The following CFAP299 variants were observed in gnomAD, a reference collection of about 807,000 sequenced individuals.
The protein encoded by CFAP299 is cilia and flagella associated protein 299.
In CFAP299, 21 loss-of-function variants were observed where a neutral mutation model predicts 27.0. That is an observed-to-expected ratio of 0.78 (90% CI 0.55 to 1.12). The LOEUF is 1.12. Among genes scored for constraint, CFAP299 ranks in the 50% most tolerant of loss-of-function variants. The pLI is 0.00. For synonymous variants in CFAP299, 104 were observed against 98.1 expected (o/e 1.06, Z -0.36); for missense variants, 310 against 276.6 (o/e 1.12, Z -0.86).
At chr4:80,554,029 C>G (rs555800222) in intron 2 of CFAP299, among the ~76,000 whole-genome samples, 1 of 152,050 alleles carries the variant, frequency 6.6e-6, no homozygotes, top group African/African-American at 2.4e-5. Flanking sequence ...GCTTGGGTTG[C>G]AATTGCTTTT....
chr4:80,928,846 A>G (rs1049031446), intron 4 of CFAP299, among the ~76,000 whole-genome samples: 8 of 152,176 alleles, frequency 5.3e-5, no homozygotes, highest in African/African-American at 1.9e-4. Context: ...GACAATGGGT[A>G]TCTTCCCATT....
In CFAP299 at chr4:80,816,608, G is replaced by A. The variant is rs370607369; in HGVS notation, c.334-53385G>A. On this transcript the variant is annotated intron_variant, in intron 3 of 5. Coordinates refer to ENST00000358105, the MANE Select transcript of CFAP299 (RefSeq NM_152770.3). Reference sequence around the variant, plus strand: ...CGCATATCACTATTTTATAAATTGTGTTATTGTGAGTGTATCCCATTTTCT... The same window carrying A: ...CGCATATCACTATTTTATAAATTGTATTATTGTGAGTGTATCCCATTTTCT... Among the ~76,000 whole-genome samples, 112 of 152,218 alleles carry A rather than the reference G, an allele frequency of 7.4e-4. 4 individuals carry two copies. The South Asian group carries it at 0.022, about 30-fold the overall frequency.
At chr4:80,445,823 T>G (rs56165070) in intron 2 of CFAP299, among the ~76,000 whole-genome samples, 1 of 152,128 alleles carries the variant, frequency 6.6e-6, no homozygotes, top group African/African-American at 2.4e-5. Flanking sequence ...TATACATAAT[T>G]TGTTGGCATC....
At chr4:80,411,777 T>C (rs1726734080) in intron 2 of CFAP299, among the ~76,000 whole-genome samples, 1 of 152,198 alleles carries the variant, frequency 6.6e-6, no homozygotes. Context: ...CTTTGCCATA[T>C]TCTCTTTTGC....
chr4:80,386,289 G>T, intron 2 of CFAP299: 1 of 1,250,898 alleles, frequency 8.0e-7, no homozygotes, highest in Non-Finnish European at 1.1e-6. Flanking sequence ...CAGCTGTCCA[G>T]GTACCACCAG....
rs1326383163 is a variant in CFAP299 at position 80,956,326 on chromosome 4, CTG to C, written c.607-7189_607-7188del. 2.0e-5 allele frequency among the ~76,000 whole-genome samples: 3 copies of C among 152,122 alleles called. No homozygotes were observed. In the South Asian group the frequency reaches 6.2e-4, roughly 32 times the overall value. ...CTATTTATTTTGCATACTTTTTTAA[CTG>C]TTAATTTCACAGTCCAGATCTGTTT... is the stretch of plus-strand genomic sequence containing the variant. On this transcript the variant is annotated intron_variant, in intron 5 of 5. Transcript: ENST00000358105.
chr4:80,816,782 GGAA>G (rs1729441565), intron 3 of CFAP299, among the ~76,000 whole-genome samples: 1 of 152,026 alleles, frequency 6.6e-6, no homozygotes, highest in Non-Finnish European at 1.5e-5. Flanking sequence ...GGGCCACACT[GGAA>G]GAAGAATTGT....
intron 2 of CFAP299, among the ~76,000 whole-genome samples, chr4:80,366,738 T>A (rs1378019724): frequency 6.6e-6 from 1 of 152,170 alleles, no homozygotes; most frequent in African/African-American, 2.4e-5. Context: ...AAAACCTAAG[T>A]CCACTTAAAA....
At chr4:80,729,724 C>T (rs546115352) in intron 3 of CFAP299, among the ~76,000 whole-genome samples, 9 of 151,530 alleles carry the variant, frequency 5.9e-5, no homozygotes, top group Non-Finnish European at 1.0e-4. Flanking sequence ...CTCAGCCTCC[C>T]GAGTAGCTGG....
intron 3 of CFAP299, among the ~76,000 whole-genome samples, chr4:80,800,877 A>C (rs1728548510): frequency 6.7e-6 from 1 of 149,208 alleles, no homozygotes; most frequent in Admixed American, 7.0e-5. Context: ...AGGAGCAAGG[A>C]GAACCAGTCT....
chr4:80,773,741 T>C (rs1726358451), intron 3 of CFAP299, among the ~76,000 whole-genome samples: 1 of 152,038 alleles, frequency 6.6e-6, no homozygotes, highest in Admixed American at 6.6e-5. Context: ...TTTTAGAATA[T>C]TTGGCCAGGT....
intron 4 of CFAP299, among the ~76,000 whole-genome samples, chr4:80,887,257 A>G (rs771920812): frequency 6.6e-6 from 1 of 152,176 alleles, no homozygotes; most frequent in Non-Finnish European, 1.5e-5. Context: ...GATTTAACCC[A>G]AAGAAGACTA....
chr4:80,656,750 G>T (rs1740578571), intron 3 of CFAP299, among the ~76,000 whole-genome samples: 1 of 152,160 alleles, frequency 6.6e-6, no homozygotes, highest in South Asian at 2.1e-4. Flanking sequence ...CAATAATGGA[G>T]TTGCTGGGTC....
At position 80,722,626 on chromosome 4, in the gene CFAP299, C is replaced by T. The variant is rs148534889; in HGVS notation, c.333+139443C>T. Among the ~76,000 whole-genome samples, 8 of 152,166 alleles carry T rather than the reference C, an allele frequency of 5.3e-5. No homozygotes were observed. The East Asian group carries it at 1.2e-3, about 22-fold the overall frequency. On this transcript the variant is annotated intron_variant, in intron 3 of 5. Transcript: ENST00000358105. ...TTAGAAAACAAAAAATTCGGCCGGG[C>T]GCTGTGGCTCACGCCTGTAATCCCA...
At chr4:80,438,785 A>C (rs1728211807) in intron 2 of CFAP299, among the ~76,000 whole-genome samples, 1 of 152,232 alleles carries the variant, frequency 6.6e-6, no homozygotes, top group South Asian at 2.1e-4. Flanking sequence ...CTAGTAAGAG[A>C]GAGAAATAGA....
chr4:80,362,736 A>G lies in CFAP299; in HGVS notation c.112-18A>G, dbSNP rs376182306. 11 of 1,586,864 alleles carry G rather than the reference A, an allele frequency of 6.9e-6. 2 individuals are homozygous for G. The Admixed American group carries it at 2.1e-4, about 31-fold the overall frequency. On this transcript the variant is annotated intron_variant, in intron 1 of 5. Transcript: ENST00000358105. ...TGTCTCATTTGCCCACTCACCTAACAACTGATTTTCTCTCTAGGATGAAAC... is the reference window on the plus strand; with the variant it reads ...TGTCTCATTTGCCCACTCACCTAACGACTGATTTTCTCTCTAGGATGAAAC...
At chr4:80,401,145 A>G (rs1726131634) in intron 2 of CFAP299, among the ~76,000 whole-genome samples, 2 of 152,210 alleles carry the variant, frequency 1.3e-5, no homozygotes, top group Middle Eastern at 3.2e-3. Flanking sequence ...GCAGAGCATA[A>G]AAGTTTGGAA....
intron 2 of CFAP299, among the ~76,000 whole-genome samples, chr4:80,520,119 A>G (rs934926730): frequency 6.6e-6 from 1 of 152,158 alleles, no homozygotes; most frequent in African/African-American, 2.4e-5. Context: ...TTTTAAAGCT[A>G]TTTATTTAAT....
At chr4:80,584,055 T>G (rs1013190591) in intron 3 of CFAP299, among the ~76,000 whole-genome samples, 1 of 151,944 alleles carries the variant, frequency 6.6e-6, no homozygotes, top group Admixed American at 6.6e-5. Context: ...TCATACCATG[T>G]TTAGTTAATA....
Sources: allele counts gnomAD v4.1 joint callset (sites outside exome capture counted in the v4.1 genomes callset), GRCh38; gene constraint gnomAD v4.1.1; transcripts MANE v1.5; gene names NCBI Gene and HGNC (gene_info 2026-07-23, HGNC 2026-07-21).